ZDBF2: variants seen among roughly 807,000 people sequenced by gnomAD.
ZDBF2 encodes the protein zinc finger DBF-type containing 2.
ZDBF2 carries 6 observed loss-of-function variants against 9.4 expected under a neutral mutation model. The observed-to-expected ratio is 0.64, with a 90% CI of 0.35 to 1.27. The LOEUF (loss-of-function observed/expected upper bound fraction) is 1.27. Ranked by LOEUF, ZDBF2 falls within the 50% of genes most tolerant of loss-of-function variation. The pLI is 0.03. For missense variants in ZDBF2, 2,697 were observed against 2,766.8 expected, an observed-to-expected ratio of 0.97 and a Z score of 0.57; for synonymous variants, 905 against 946.3, an observed-to-expected ratio of 0.96 and a Z score of 0.80.
At chr2:206,286,113 G>A (rs577996983) in intron 3 of ZDBF2, among the ~76,000 whole-genome samples, 1 of 152,258 alleles carries the variant, frequency 6.6e-6, no homozygotes, top group Non-Finnish European at 1.5e-5. Context: ...CCTCTTTGTG[G>A]CCTAATATGT....
Position 206,309,014 on chromosome 2 carries a change from T to C in ZDBF2, c.4486T>C (p.Ser1496Pro). 1 of 1,613,872 alleles carries C rather than the reference T, an allele frequency of 6.2e-7. No homozygotes were observed. The highest frequency in any genetic ancestry group is 1.7e-5 in the Admixed American group (1 of 60,000). Reference protein sequence around the residue: ...MEEKTDQPSDSEMMYDSDVPF... With the variant: ...MEEKTDQPSDPEMMYDSDVPF... Reference sequence around the variant, plus strand: ...AGAAAAGACCGATCAACCTAGTGATTCAGAAATGATGTATGATTCTGATGT... The same window carrying C: ...AGAAAAGACCGATCAACCTAGTGATCCAGAAATGATGTATGATTCTGATGT... Residue 1496 changes from serine (S) to proline (P), a missense_variant, in exon 5 of 5, where the codon TCA (serine) becomes CCA (proline). Physicochemically the swap from Ser to Pro is moderately conservative, Grantham distance 74 (BLOSUM62 -1). Around this residue, in one of 3 missense-constraint regions of ZDBF2, gnomAD observed 1,783 missense variants for 1,776.5 expected, o/e 1.00. Transcript: ENST00000374423.
intron 3 of ZDBF2, chr2:206,292,073 A>G (rs188632507): frequency 1.0e-5 from 4 of 398,414 alleles, no homozygotes; most frequent in Non-Finnish European, 1.8e-5. Context: ...ATGATTCCCG[A>G]TGGAAGCTCA....
intron 4 of ZDBF2, among the ~76,000 whole-genome samples, chr2:206,302,376 C>G (rs567046651): frequency 6.6e-6 from 1 of 152,008 alleles, no homozygotes; most frequent in South Asian, 2.1e-4. Context: ...TGTGTGGTTA[C>G]AAATGATGAG....
At chr2:206,279,740 AAAT>A (rs1691213437) in intron 2 of ZDBF2, 148 bp downstream of exon 2, 3 of 152,204 alleles carry the variant, frequency 2.0e-5, no homozygotes, top group African/African-American at 7.2e-5. Flanking sequence ...AGTTTATAAA[AAAT>A]AATGACTTAT....
In ZDBF2 at chr2:206,297,219, A is replaced by G. The variant is rs372650377; in HGVS notation, c.61-27A>G. ...CACTACTGAATACTGTCCATTTAAA[A>G]ATATTCCATTTCTTTTTTCTTTATA... On this transcript the variant is annotated intron_variant, in intron 3 of 4. Transcript: ENST00000374423. The G allele has an allele frequency of 4.9e-5, 50 of 1,029,784 alleles. No homozygotes were observed. In the African/African-American group the frequency reaches 7.1e-4, roughly 15 times the overall value. 63.8% of individuals were successfully genotyped at this position (1,029,784 alleles called of 1,614,324 possible).
Position 206,308,241 on chromosome 2 carries a change from C to T in ZDBF2, c.3713C>T (p.Ala1238Val). The T allele has an allele frequency of 1.9e-6, 3 of 1,613,830 alleles. No individual in the cohort carries two copies. Among genetic ancestry groups the T allele is most frequent in the Non-Finnish European group, 2.5e-6 (3 of 1,179,824 alleles). The part of the protein sequence containing the change: ...EVDTEDRRNE[A>V]KGFEIMYDSD... The stretch of plus-strand genomic sequence containing the variant: ...GACACGGAAGATAGGAGAAATGAAG[C>T]TAAGGGTTTTGAAATTATGTATGAT... Residue 1238 changes from alanine (A) to valine (V), a missense_variant, in exon 5 of 5, where the codon GCT becomes GTT. Transcript: ENST00000374423.
At chr2:206,301,283 G>T (rs565594440) in intron 4 of ZDBF2, among the ~76,000 whole-genome samples, 1 of 149,190 alleles carries the variant, frequency 6.7e-6, no homozygotes, top group African/African-American at 2.4e-5. Flanking sequence ...GAACCTAATT[G>T]TTTGTCTTTT....
chr2:206,307,541 G>C lies in ZDBF2; in HGVS notation c.3013G>C (p.Gly1005Arg). 1.2e-6 allele frequency: 2 copies of C among 1,613,694 alleles called. No individual in the cohort carries two copies. The highest frequency in any genetic ancestry group is 2.2e-5 in the South Asian group (2 of 91,058). The change falls in exon 5 of 5, where the codon GGT (glycine) becomes CGT (arginine). Residue 1005 changes from glycine to arginine, a missense_variant. Coordinates refer to ENST00000374423, the MANE Select transcript of ZDBF2 (RefSeq NM_020923.3). ...FSGSKTSLDS[G>R]VPHYSVTEPQ... ...TGGTTCAAAAACAAGTTTAGATTCT[G>C]GTGTCCCTCATTATTCAGTAACTGA...
chr2:206,308,099 C>A lies in ZDBF2; in HGVS notation c.3571C>A (p.His1191Asn), dbSNP rs1301345847. 2 of 1,613,928 alleles carry A rather than the reference C, an allele frequency of 1.2e-6. No homozygotes were observed. The highest frequency in any genetic ancestry group is 2.2e-5 in the South Asian group (2 of 91,072). Residue 1191 changes from histidine (H) to asparagine (N), a missense_variant, in exon 5 of 5, where the codon CAC becomes AAC. Around this residue, in one of 3 missense-constraint regions of ZDBF2, gnomAD observed 1,783 missense variants for 1,776.5 expected, o/e 1.00. Coordinates refer to ENST00000374423, the MANE Select transcript of ZDBF2 (RefSeq NM_020923.3). ...GGAGCACATTGAACTAGAAGGTAAG[C>A]ACAATCAATGTTGTGGTTCTGAAGT... The part of the protein sequence containing the change: ...EQEHIELEGK[H>N]NQCCGSEVSF...
Position 206,305,886 on chromosome 2 carries a change from A to C in ZDBF2, c.1358A>C (p.Asp453Ala), listed in dbSNP as rs1425979509. The C allele has an allele frequency of 1.9e-6, 3 of 1,613,322 alleles. No homozygotes were observed. Among genetic ancestry groups the C allele is most frequent in the Non-Finnish European group, 2.5e-6 (3 of 1,179,604 alleles). Residue 453 changes from aspartate to alanine, a missense_variant, in exon 5 of 5, where the codon GAT becomes GCT. This residue lies in a region of ZDBF2 where 910 missense variants were observed against 973.6 expected (regional missense o/e 0.93). Transcript: ENST00000374423. The stretch of plus-strand genomic sequence containing the variant: ...TCTTATGTTTCTAAAATAAGTTCTG[A>C]TTGTGATGACATTCTTCACTTGGTT... Reference protein sequence around the residue: ...NKSYVSKISSDCDDILHLVTN... With the variant: ...NKSYVSKISSACDDILHLVTN...
intron 3 of ZDBF2, 136 bp from the exon 4 acceptor site, chr2:206,297,110 C>T: frequency 2.1e-6 from 1 of 483,814 alleles, no homozygotes. Context: ...TTTTTAGATG[C>T]AAATTTCAGA....
Position 206,307,624 on chromosome 2 carries a change from G to A in ZDBF2, c.3096G>A (p.Lys1032=). ...NRKKQYVLEN[K]NDKCSGSEII... Reference sequence around the variant, plus strand: ...AGAAGCAATATGTTCTAGAAAACAAGAATGATAAATGTAGTGGTTCTGAAA... The same window carrying A: ...AGAAGCAATATGTTCTAGAAAACAAAAATGATAAATGTAGTGGTTCTGAAA... The change falls in exon 5 of 5, where the codon AAG becomes AAA. Residue 1032 remains lysine, a synonymous_variant. Coordinates refer to ENST00000374423, the MANE Select transcript of ZDBF2 (RefSeq NM_020923.3). 1.2e-6 allele frequency: 2 copies of A among 1,612,102 alleles called. No individual in the cohort carries two copies. The highest frequency in any genetic ancestry group is 4.5e-5 in the East Asian group (2 of 44,854).
intron 4 of ZDBF2, among the ~76,000 whole-genome samples, chr2:206,298,829 A>G (rs554109676): frequency 1.3e-5 from 2 of 151,872 alleles, no homozygotes; most frequent in East Asian, 3.9e-4. Flanking sequence ...CCCAGCTCCA[A>G]TGTATAACTC....
chr2:206,297,903 A>G (rs1298677060), intron 4 of ZDBF2, among the ~76,000 whole-genome samples: 1 of 152,150 alleles, frequency 6.6e-6, no homozygotes, highest in Non-Finnish European at 1.5e-5. Context: ...CTGGTCTCGA[A>G]TTCCCGACCT....
In ZDBF2 at chr2:206,307,495, A is replaced by T. The variant is rs368525554; in HGVS notation, c.2967A>T (p.Gln989His). The change falls in exon 5 of 5, where the codon CAA becomes CAT. Residue 989 changes from glutamine to histidine, a missense_variant. Around this residue, in one of 3 missense-constraint regions of ZDBF2, gnomAD observed 1,783 missense variants for 1,776.5 expected, o/e 1.00. Coordinates refer to ENST00000374423, the MANE Select transcript of ZDBF2 (RefSeq NM_020923.3). Reference protein sequence around the residue: ...WLQREKHAEFQGRSTEFSGSK... With the variant: ...WLQREKHAEFHGRSTEFSGSK... The stretch of plus-strand genomic sequence containing the variant: ...AAAGAGAAAAGCACGCTGAATTCCA[A>T]GGTAGAAGTACTGAATTCAGTGGTT... The T allele has an allele frequency of 2.5e-6, 4 of 1,613,496 alleles. No homozygotes were observed. In the East Asian group the frequency reaches 6.7e-5, roughly 27 times the overall value.
rs1691659031 is a variant in ZDBF2 at position 206,287,430 on chromosome 2, G to C, written c.60+5521G>C. ...TGCTGGCCTGTAAAGTTTCTGCAGAGAAAGCTGCTGTTAGTCTAACGATGA... is the reference window on the plus strand; with the variant it reads ...TGCTGGCCTGTAAAGTTTCTGCAGACAAAGCTGCTGTTAGTCTAACGATGA... On this transcript the variant is annotated intron_variant, in intron 3 of 4. Transcript: ENST00000374423. 2.0e-5 allele frequency among the ~76,000 whole-genome samples: 3 copies of C among 152,208 alleles called. No individual in the cohort carries two copies. In the South Asian group the frequency reaches 6.2e-4, roughly 31 times the overall value.
rs754654322 is a variant in ZDBF2 at position 206,310,129 on chromosome 2, A to G, written c.5601A>G (p.Lys1867=). The change falls in exon 5 of 5, where the codon AAA becomes AAG. Residue 1867 remains lysine (K), a synonymous_variant. Transcript: ENST00000374423. ...TTGATGATGACTGTGAGACCAAAAA[A>G]GTTTCTTCGAAGGGGAAAAAAAAGG... ...CYFDDDCETK[K]VSSKGKKKVT... The G allele has an allele frequency of 6.8e-6, 11 of 1,613,500 alleles. No homozygotes were observed. Among genetic ancestry groups the G allele is most frequent in the Non-Finnish European group, 9.3e-6 (11 of 1,179,764 alleles).
chr2:206,309,013 T>G lies in ZDBF2; in HGVS notation c.4485T>G (p.Asp1495Glu). The change falls in exon 5 of 5, where the codon GAT (aspartate) becomes GAG (glutamate). Residue 1495 changes from aspartate (D) to glutamate (E), a missense_variant. By Grantham distance (45) the Asp-to-Glu change is conservative. This residue lies in a region of ZDBF2 where 1,783 missense variants were observed against 1,776.5 expected (regional missense o/e 1.00). Coordinates refer to ENST00000374423, the MANE Select transcript of ZDBF2 (RefSeq NM_020923.3). ...AAGAAAAGACCGATCAACCTAGTGATTCAGAAATGATGTATGATTCTGATG... is the reference window on the plus strand; with the variant it reads ...AAGAAAAGACCGATCAACCTAGTGAGTCAGAAATGATGTATGATTCTGATG... ...VMEEKTDQPS[D>E]SEMMYDSDVP... 1 of 1,613,910 alleles carries G rather than the reference T, an allele frequency of 6.2e-7. No homozygotes were observed. The highest frequency in any genetic ancestry group is 8.5e-7 in the Non-Finnish European group (1 of 1,179,870).
chr2:206,301,196 T>C (rs1473147755), intron 4 of ZDBF2, among the ~76,000 whole-genome samples: 1 of 152,240 alleles, frequency 6.6e-6, no homozygotes. Flanking sequence ...GAGTTCTTTG[T>C]ATATTTTGGC....
Sources: gnomAD v4.1 joint callset for allele counts (sites outside exome capture counted in the v4.1 genomes callset) on GRCh38, gnomAD v4.1.1 for gene constraint, gnomAD v4.1.1 regional missense constraint, MANE v1.5 for transcripts, NCBI Gene and HGNC (gene_info 2026-07-23, HGNC 2026-07-21) for gene names.